SLC24A2: variants seen among roughly 807,000 people sequenced by gnomAD.
The protein encoded by SLC24A2 is sodium/potassium/calcium exchanger 2.
A neutral mutation model predicts 62.0 loss-of-function variants in SLC24A2; 36 were observed. The ratio of observed to expected loss-of-function variants is 0.58; its 90% CI spans 0.44 to 0.77. The LOEUF (loss-of-function observed/expected upper bound fraction) is 0.77. SLC24A2 is among the 30% of genes least tolerant of loss of function. SLC24A2 has a pLI of 0.00. For synonymous variants in SLC24A2, 358 were observed against 294.0 expected (o/e 1.22, Z -2.23); for missense variants, 846 against 817.9 (o/e 1.03, Z -0.42).
rs528953913 is a variant in SLC24A2, at chr9:19,629,726, T to C, written c.931-7427A>G. On this transcript the variant is annotated intron_variant, in intron 2 of 10. Transcript: ENST00000341998. The stretch of plus-strand genomic sequence containing the variant: ...CGGTCATGAGACATTCTATATTTAG[T>C]TTATTTGGAAGTTCGGGTGGGCTCA... 5.3e-5 allele frequency among the ~76,000 whole-genome samples: 8 copies of C among 152,290 alleles called. No individual in the cohort carries two copies. The East Asian group carries it at 1.5e-3, about 29-fold the overall frequency.
the SLC24A2 span, among the ~76,000 whole-genome samples, chr9:19,858,408 G>T: frequency 0.46 from 70,028 of 152,002 alleles, 18,633 homozygotes; most frequent in Non-Finnish European, 0.59. Context: ...AACTCTGGAA[G>T]AAACCTAGGA....
the SLC24A2 span, among the ~76,000 whole-genome samples, chr9:20,109,566 G>T: frequency 6.6e-6 from 1 of 152,156 alleles, no homozygotes. Context: ...AACATCCCTT[G>T]GGAGATGACA....
At chr9:19,604,377 T>C (rs1358140524) in intron 4 of SLC24A2, among the ~76,000 whole-genome samples, 1 of 152,142 alleles carries the variant, frequency 6.6e-6, no homozygotes, top group Non-Finnish European at 1.5e-5. Flanking sequence ...AGCAGCACTG[T>C]CTTTAAAAAA....
chr9:19,746,280 C>A (rs1245799025), intron 2 of SLC24A2, among the ~76,000 whole-genome samples: 1 of 152,060 alleles, frequency 6.6e-6, no homozygotes, highest in African/African-American at 2.4e-5. Flanking sequence ...ATCTTTTGTT[C>A]ATCAGAGCTC....
the SLC24A2 span, among the ~76,000 whole-genome samples, chr9:20,151,328 C>A: frequency 6.6e-6 from 1 of 151,920 alleles, no homozygotes; most frequent in Admixed American, 6.6e-5. Flanking sequence ...ACCCTTTCAG[C>A]CTTACCATCC....
the SLC24A2 span, among the ~76,000 whole-genome samples, chr9:20,211,491 A>G: frequency 6.6e-6 from 1 of 152,184 alleles, no homozygotes; most frequent in Non-Finnish European, 1.5e-5. Context: ...CAGCCTGGGC[A>G]AGAAGAGCGA....
At chr9:20,103,771 A>C in the SLC24A2 span, among the ~76,000 whole-genome samples, 87 of 152,042 alleles carry the variant, frequency 5.7e-4, 1 homozygote, top group Non-Finnish European at 1.0e-3. Context: ...GAAAAACTGG[A>C]AACTCTAAAA....
At chr9:20,129,906 T>C in the SLC24A2 span, among the ~76,000 whole-genome samples, 359 of 147,010 alleles carry the variant, frequency 2.4e-3, 1 homozygote, top group Middle Eastern at 0.011. Flanking sequence ...TAATGGTAAA[T>C]TTTATATTAT....
Position 19,513,702 on chromosome 9 carries a change from C to T in SLC24A2, c.*2451G>A, listed in dbSNP as rs1268517582. The T allele has an allele frequency of 6.6e-6, 1 of 152,192 alleles. No individual in the cohort carries two copies. The highest frequency in any genetic ancestry group is 1.5e-5 in the Non-Finnish European group (1 of 68,038). The allele number at this position is 152,192 out of a possible 1,614,324, so 9.4% of individuals were successfully genotyped here. ...CAGGTCTCCTTCAACTTCTGTTTTA[C>T]ATGGTCTGTTTGCAGTTGAGTCAGT... On this transcript the variant is annotated 3_prime_UTR_variant, in exon 11 of 11. Transcript: ENST00000341998.
At chr9:19,796,291 T>G in the SLC24A2 span, among the ~76,000 whole-genome samples, 52 of 152,256 alleles carry the variant, frequency 3.4e-4, no homozygotes, top group Non-Finnish European at 6.3e-4. Context: ...TCAGTTGAGC[T>G]GCATAGTATA....
chr9:20,158,830 C>T, the SLC24A2 span, among the ~76,000 whole-genome samples: 5 of 151,546 alleles, frequency 3.3e-5, no homozygotes, highest in Non-Finnish European at 7.4e-5. Flanking sequence ...CTAAATAAAA[C>T]TTTCCAAAAA....
rs1832853997 is a variant in SLC24A2, at chr9:19,514,548, G to T, written c.*1605C>A. 1 of 152,152 alleles carries T rather than the reference G, an allele frequency of 6.6e-6. No homozygotes were observed. The highest frequency in any genetic ancestry group is 1.5e-5 in the Non-Finnish European group (1 of 68,034). 9.4% of individuals were successfully genotyped at this position (152,152 alleles called of 1,614,324 possible). On this transcript the variant is annotated 3_prime_UTR_variant, in exon 11 of 11. Coordinates refer to ENST00000341998, the MANE Select transcript of SLC24A2 (RefSeq NM_020344.4). ...GCTGGCTTTATTTTCGACTGACATA[G>T]ATCTGAGAAAACACACAAGGTGTCA...
chr9:19,508,347 C>G lies in SLC24A2; in HGVS notation c.*7806G>C, dbSNP rs1019766525. On this transcript the variant is annotated 3_prime_UTR_variant, in exon 11 of 11. Transcript: ENST00000341998. The stretch of plus-strand genomic sequence containing the variant: ...ATATCACTGGCCCTTGGTTCAGATA[C>G]CCTTTCTTTAGGGCAATTTGGCCAC... 19 of 152,254 alleles carry G rather than the reference C, an allele frequency of 1.2e-4. No homozygotes were observed. Among genetic ancestry groups the G allele is most frequent in the Admixed American group, 1.0e-3 (16 of 15,296 alleles). 9.4% of individuals were successfully genotyped at this position (152,254 alleles called of 1,614,324 possible).
At chr9:20,162,171 C>A in the SLC24A2 span, among the ~76,000 whole-genome samples, 1 of 151,680 alleles carries the variant, frequency 6.6e-6, no homozygotes, top group Non-Finnish European at 1.5e-5. Context: ...AGGAGTACTG[C>A]TTGAGCCAGA....
chr9:19,991,439 T>C, the SLC24A2 span, among the ~76,000 whole-genome samples: 1 of 152,122 alleles, frequency 6.6e-6, no homozygotes, highest in Non-Finnish European at 1.5e-5. Flanking sequence ...TGGGTCTGCC[T>C]CTCCCAGTCC....
the SLC24A2 span, among the ~76,000 whole-genome samples, chr9:19,888,087 C>T: frequency 6.6e-6 from 1 of 152,248 alleles, no homozygotes; most frequent in Non-Finnish European, 1.5e-5. Flanking sequence ...AACTTATTCA[C>T]GTAACCAAAT....
At chr9:20,261,156 C>T in the SLC24A2 span, among the ~76,000 whole-genome samples, 2 of 152,154 alleles carry the variant, frequency 1.3e-5, no homozygotes, top group African/African-American at 4.8e-5. Context: ...CTGCACCCGG[C>T]CCAATGTATC....
At chr9:19,545,364 G>C (rs1350370670) in intron 8 of SLC24A2, among the ~76,000 whole-genome samples, 2 of 151,906 alleles carry the variant, frequency 1.3e-5, no homozygotes, top group Admixed American at 1.3e-4. Context: ...CCTTGCATTG[G>C]GTTAGAACAT....
intron 8 of SLC24A2, among the ~76,000 whole-genome samples, chr9:19,535,882 G>C (rs1283669580): frequency 6.6e-6 from 1 of 152,050 alleles, no homozygotes; most frequent in Non-Finnish European, 1.5e-5. Flanking sequence ...TGTGAAGAAA[G>C]TCAGTGGTAG....
Sources: gnomAD v4.1 joint callset for allele counts (sites outside exome capture counted in the v4.1 genomes callset) on GRCh38, gnomAD v4.1.1 for gene constraint, MANE v1.5 for transcripts, NCBI Gene and HGNC (gene_info 2026-07-23, HGNC 2026-07-21) for gene names.